NUDCD3: variants seen among roughly 807,000 people sequenced by gnomAD.
The protein encoded by NUDCD3 is NudC domain containing 3.
A neutral mutation model predicts 39.7 loss-of-function variants in NUDCD3; 13 were observed. The ratio of observed to expected loss-of-function variants is 0.33; its 90% CI spans 0.21 to 0.52. The LOEUF (loss-of-function observed/expected upper bound fraction) is 0.52. NUDCD3 is among the 20% of genes least tolerant of loss of function. The pLI, the probability that NUDCD3 is intolerant of heterozygous loss-of-function variation, is 0.96. For missense variants in NUDCD3, 453 were observed against 458.1 expected (o/e 0.99, Z 0.10); for synonymous variants, 175 against 172.4 (o/e 1.02, Z -0.12).
At chr7:44,426,727 C>T (rs1264265829) in intron 3 of NUDCD3, among the ~76,000 whole-genome samples, 1 of 146,586 alleles carries the variant, frequency 6.8e-6, no homozygotes, top group Non-Finnish European at 1.5e-5. Flanking sequence ...ACCCGGGAGG[C>T]GGAGCTTGCA....
rs117833919 is a variant in NUDCD3, at chr7:44,455,178, C to T, written c.510-27475G>A. Among the ~76,000 whole-genome samples the T allele has an allele frequency of 7.9e-5, 12 of 152,068 alleles. No homozygotes were observed. The East Asian group carries it at 1.9e-3, about 24-fold the overall frequency. ...AGTTCCAACTTCTGCTTCTCTTCCC[C>T]AAATTTCAGACTACATTTCCAACTG... On this transcript the variant is annotated intron_variant, in intron 2 of 5. Transcript: ENST00000355451.
In NUDCD3 at chr7:44,427,654, G is replaced by A. The variant is rs749820004; in HGVS notation, c.559C>T (p.Arg187Ter). 9 of 1,613,340 alleles carry A rather than the reference G, an allele frequency of 5.6e-6. No homozygotes were observed. Among genetic ancestry groups the A allele is most frequent in the African/African-American group, 1.3e-5 (1 of 74,802 alleles). The change falls in exon 3 of 6, where the codon CGA becomes TGA. Residue 187 changes from arginine (R) to a stop codon, truncating the protein, a stop_gained. Coordinates refer to ENST00000355451, the MANE Select transcript of NUDCD3 (RefSeq NM_015332.4). LOFTEE classifies it high-confidence loss of function. ...TCCTGTGACCAGGTGTAGTTCTCTC[G>A]GACAGCACCATTGTAACTGTCGGGA... Reference protein sequence around the residue: ...KNPDSYNGAVRENYTWSQDYT... With the variant: ...KNPDSYNGAV
intron 3 of NUDCD3, among the ~76,000 whole-genome samples, chr7:44,421,212 T>C (rs1184615687): frequency 6.6e-6 from 1 of 151,640 alleles, no homozygotes; most frequent in East Asian, 1.9e-4. Flanking sequence ...CGTGCACCTG[T>C]AGTCCCAGCT....
intron 3 of NUDCD3, among the ~76,000 whole-genome samples, chr7:44,417,663 T>C (rs1799054120): frequency 1.3e-5 from 2 of 152,104 alleles, no homozygotes; most frequent in South Asian, 2.1e-4. Flanking sequence ...AAAAATGAAA[T>C]GGAAATCAAC....
chr7:44,456,764 A>AG (rs2116943344), intron 2 of NUDCD3, among the ~76,000 whole-genome samples: 1 of 152,258 alleles, frequency 6.6e-6, no homozygotes, highest in South Asian at 2.1e-4. Context: ...TAAAAAAAAA[A>AG]AAAAATTTAC....
At chr7:44,480,681 C>T (rs557807408) in intron 2 of NUDCD3, among the ~76,000 whole-genome samples, 1 of 152,130 alleles carries the variant, frequency 6.6e-6, no homozygotes, top group Non-Finnish European at 1.5e-5. Flanking sequence ...GTGCCTCACA[C>T]CTATAATCCC....
intron 4 of NUDCD3, among the ~76,000 whole-genome samples, chr7:44,397,008 T>C (rs1798638000): frequency 6.6e-6 from 1 of 152,238 alleles, no homozygotes; most frequent in African/African-American, 2.4e-5. Flanking sequence ...AGGTATAGTA[T>C]GCACATAGTA....
At chr7:44,477,276 T>C (rs1209083707) in intron 2 of NUDCD3, among the ~76,000 whole-genome samples, 3 of 152,104 alleles carry the variant, frequency 2.0e-5, no homozygotes, top group Non-Finnish European at 4.4e-5. Flanking sequence ...ACACCAACAG[T>C]GTTGGAGCAC....
intron 2 of NUDCD3, among the ~76,000 whole-genome samples, chr7:44,477,822 C>CTTTTTTT (rs938640330): frequency 1.1e-5 from 1 of 94,154 alleles, no homozygotes; most frequent in African/African-American, 4.0e-5. Flanking sequence ...ATGAACAATT[C>CTTTTTTT]TTTTTTTTTT....
rs377401450 is a variant in NUDCD3, at chr7:44,490,575, T to C, written c.26A>G (p.Tyr9Cys). Residue 9 changes from tyrosine to cysteine, a missense_variant, in exon 1 of 6, where the codon TAT (tyrosine) becomes TGT (cysteine). Physicochemically the swap from Tyr to Cys is radical, Grantham distance 194. Transcript: ENST00000355451. Reference protein sequence around the residue: METGAAELYDQALLGILQH... With the variant: METGAAELCDQALLGILQH... The stretch of plus-strand genomic sequence containing the variant: ...CAGGATGCCCAAAAGGGCCTGGTCA[T>C]ACAGCTCGGCCGCCCCTGTCTCCAT... 2.5e-6 allele frequency: 4 copies of C among 1,610,818 alleles called. No individual in the cohort carries two copies. Among genetic ancestry groups the C allele is most frequent in the Non-Finnish European group, 3.4e-6 (4 of 1,178,630 alleles).
chr7:44,399,600 C>T (rs2116868938), intron 4 of NUDCD3, among the ~76,000 whole-genome samples: 1 of 152,292 alleles, frequency 6.6e-6, no homozygotes, highest in Middle Eastern at 3.4e-3. Context: ...AGAAGTGACA[C>T]TGGAAGTATC....
chr7:44,436,460 G>A (rs1249074863), intron 2 of NUDCD3, among the ~76,000 whole-genome samples: 2 of 152,226 alleles, frequency 1.3e-5, no homozygotes, highest in African/African-American at 2.4e-5. Context: ...GAACTTCTAG[G>A]TCAAAGGATA....
intron 2 of NUDCD3, among the ~76,000 whole-genome samples, chr7:44,461,027 C>A (rs898398545): frequency 6.6e-6 from 1 of 152,202 alleles, no homozygotes; most frequent in Admixed American, 6.5e-5. Flanking sequence ...CCTAAAAACC[C>A]GACGGGTTCA....
intron 3 of NUDCD3, among the ~76,000 whole-genome samples, chr7:44,420,256 G>A (rs1380618756): frequency 6.6e-6 from 1 of 151,958 alleles, no homozygotes; most frequent in African/African-American, 2.4e-5. Context: ...ATCTGAGATT[G>A]AAGATCAACT....
intron 2 of NUDCD3, among the ~76,000 whole-genome samples, chr7:44,444,978 T>C (rs1799662758): frequency 6.6e-6 from 1 of 152,200 alleles, no homozygotes; most frequent in African/African-American, 2.4e-5. Flanking sequence ...ATAACCAAAC[T>C]TGCCTTTCTG....
intron 2 of NUDCD3, among the ~76,000 whole-genome samples, chr7:44,454,727 A>AACC (rs1406440410): frequency 6.6e-6 from 1 of 152,096 alleles, no homozygotes; most frequent in Non-Finnish European, 1.5e-5. Flanking sequence ...AGGAGTTCAA[A>AACC]ACCAGCCTGG....
rs1800714124 is a variant in NUDCD3, at chr7:44,490,442, G to A, written c.159C>T (p.Phe53=). The A allele has an allele frequency of 6.3e-7, 1 of 1,588,594 alleles. No individual in the cohort carries two copies. Among genetic ancestry groups the A allele is most frequent in the Non-Finnish European group, 8.6e-7 (1 of 1,169,128 alleles). The change falls in exon 1 of 6, where the codon TTC becomes TTT. Residue 53 remains phenylalanine, a synonymous_variant. Coordinates refer to ENST00000355451, the MANE Select transcript of NUDCD3 (RefSeq NM_015332.4). ...LLRHPSDRMG[F]PPGAAQALVL... ...CCAAGGCCTGCGCGGCCCCGGGCGG[G>A]AAGCCCATGCGGTCCGATGGGTGGC...
intron 2 of NUDCD3, among the ~76,000 whole-genome samples, chr7:44,430,570 T>TCACA (rs58853542): frequency 0.017 from 2,169 of 125,838 alleles, 32 homozygotes; most frequent in African/African-American, 0.016. Flanking sequence ...ACACACACAC[T>TCACA]CACACACACA....
rs539280987 is a variant in NUDCD3 at position 44,472,384 on chromosome 7, A to G, written c.509+12584T>C. On this transcript the variant is annotated intron_variant, in intron 2 of 5. Transcript: ENST00000355451. ...GGACTTACTGAATAAAAAGATTAAAATTCTACAAAAGAACATAAAGCAAGA... is the reference window on the plus strand; with the variant it reads ...GGACTTACTGAATAAAAAGATTAAAGTTCTACAAAAGAACATAAAGCAAGA... Among the ~76,000 whole-genome samples the G allele has an allele frequency of 3.3e-5, 5 of 152,360 alleles. No individual in the cohort carries two copies. The South Asian group carries it at 8.3e-4, about 25-fold the overall frequency.
Sources: allele counts gnomAD v4.1 joint callset (sites outside exome capture counted in the v4.1 genomes callset), GRCh38; gene constraint gnomAD v4.1.1; transcripts MANE v1.5; gene names NCBI Gene and HGNC (gene_info 2026-07-23, HGNC 2026-07-21).